Variants in FAM83G observed in about 807,000 individuals in gnomAD.
The protein encoded by FAM83G is protein FAM83G.
A neutral mutation model predicts 61.5 loss-of-function variants in FAM83G; 38 were observed. That is an observed-to-expected ratio of 0.62 (90% CI 0.48 to 0.81). FAM83G has a LOEUF of 0.81. Among genes scored for constraint, FAM83G ranks in the 30% least tolerant of loss-of-function variants. The probability of loss-of-function intolerance (pLI) is 0.00; values close to 1 mark genes in which losing one functional copy is unlikely to be tolerated. For synonymous variants in FAM83G, 470 were observed against 476.1 expected (o/e 0.99, Z 0.17); for missense variants, 989 against 1,133.6 (o/e 0.87, Z 1.83).
chr17:18,978,325 G>A lies in FAM83G; in HGVS notation c.1341C>T (p.Ile447=). 6.2e-7 allele frequency: 1 copy of A among 1,608,046 alleles called. No individual in the cohort carries two copies. The stretch of plus-strand genomic sequence containing the variant: ...TGGCCTGGGAGGTGTCACGGATCTT[G>A]ATGCGGTTCATCTGGCTGGGCTGGG... ...WNPQPSQMNR[I]KIRDTSQASA... Residue 447 remains isoleucine (I), a synonymous_variant, in exon 5 of 6, where the codon ATC becomes ATT. Transcript: ENST00000388995.
Position 18,970,263 on chromosome 17 carries a change from C to T in FAM83G, c.*1096G>A, listed in dbSNP as rs559430073. On this transcript the variant is annotated 3_prime_UTR_variant, in exon 6 of 6. Transcript: ENST00000388995. ...CGGGTTTTCCTACATCCAGGCTTCT[C>T]CCTCTCAGACCAGGGGCTCTAGTGT... is the stretch of plus-strand genomic sequence containing the variant. 6 of 152,290 alleles carry T rather than the reference C, an allele frequency of 3.9e-5. No homozygotes were observed. Among genetic ancestry groups the T allele is most frequent in the Non-Finnish European group, 8.8e-5 (6 of 68,094 alleles). The allele number at this position is 152,290 out of a possible 1,614,324, so 9.4% of individuals were successfully genotyped here.
chr17:18,995,017 TA>T (rs2043527321), intron 2 of FAM83G, among the ~76,000 whole-genome samples: 1 of 152,160 alleles, frequency 6.6e-6, no homozygotes, highest in Admixed American at 6.5e-5. Context: ...CGTTTCCAAG[TA>T]ACCTAACTGC....
At chr17:18,987,130 C>G (rs554009280) in intron 3 of FAM83G, among the ~76,000 whole-genome samples, 1 of 152,312 alleles carries the variant, frequency 6.6e-6, no homozygotes, top group Admixed American at 6.5e-5. Flanking sequence ...GAGCCCGGCC[C>G]CTTGTTAACC....
chr17:18,979,932 T>C (rs1231687681), intron 3 of FAM83G, among the ~76,000 whole-genome samples: 2 of 152,192 alleles, frequency 1.3e-5, no homozygotes, highest in Non-Finnish European at 2.9e-5. Context: ...GTCTGGGCTT[T>C]GGCCCTAAAG....
In FAM83G at chr17:18,970,806, T is replaced by C. The variant is rs2042822495; in HGVS notation, c.*553A>G. The C allele has an allele frequency of 5.1e-6, 3 of 586,310 alleles. No individual in the cohort carries two copies. The highest frequency in any genetic ancestry group is 9.1e-6 in the Non-Finnish European group (3 of 329,590). 36.3% of individuals were successfully genotyped at this position (586,310 alleles called of 1,614,324 possible). A position where few individuals can be genotyped will look rare whatever the true frequency, so the allele number is the denominator to read the frequency against. On this transcript the variant is annotated 3_prime_UTR_variant, in exon 6 of 6. Transcript: ENST00000388995. ...GCTTACTTAATAGTATTATTTTAAA[T>C]ACGAATAAAATAGTCATTCAAATAC... is the stretch of plus-strand genomic sequence containing the variant.
intron 3 of FAM83G, among the ~76,000 whole-genome samples, chr17:18,985,361 C>G (rs1030115348): frequency 2.0e-5 from 3 of 152,212 alleles, no homozygotes; most frequent in Non-Finnish European, 4.4e-5. Flanking sequence ...GGGCTCAGGA[C>G]TGGCTCCTGG....
At chr17:18,999,490 C>T (rs1160946081) in intron 2 of FAM83G, among the ~76,000 whole-genome samples, 1 of 152,122 alleles carries the variant, frequency 6.6e-6, no homozygotes, top group Non-Finnish European at 1.5e-5. Context: ...AGTTATTTGC[C>T]ATCTCCGAGC....
In FAM83G at chr17:18,978,277, C is replaced by T; in HGVS notation, c.1389G>A (p.Lys463=). 6.2e-7 allele frequency: 1 copy of T among 1,609,958 alleles called. No homozygotes were observed. Among genetic ancestry groups the T allele is most frequent in the Non-Finnish European group, 8.5e-7 (1 of 1,177,858 alleles). ...SQASAQHQLW[K]QSQDSRPRPE... ...GACGGGGCCTGCTGTCCTGGCTCTG[C>T]TTCCACAGCTGGTGCTGGGCGCTGG... Residue 463 remains lysine, a synonymous_variant, in exon 5 of 6, where the codon AAG becomes AAA. Coordinates refer to ENST00000388995, the MANE Select transcript of FAM83G (RefSeq NM_001039999.3).
At chr17:18,987,200 G>A (rs146592505) in intron 3 of FAM83G, among the ~76,000 whole-genome samples, 1 of 152,192 alleles carries the variant, frequency 6.6e-6, no homozygotes, top group Non-Finnish European at 1.5e-5. Flanking sequence ...ATTTTGACCT[G>A]TCAGACACTG....
intron 3 of FAM83G, among the ~76,000 whole-genome samples, chr17:18,981,180 G>C (rs1167071369): frequency 6.6e-6 from 1 of 152,202 alleles, no homozygotes; most frequent in Non-Finnish European, 1.5e-5. Context: ...GATCGCAGAG[G>C]AGTAGCCTGA....
rs2043801324 is a variant in FAM83G at position 19,003,798 on chromosome 17, G to A, written c.244C>T (p.Arg82Trp). 2 of 1,612,500 alleles carry A rather than the reference G, an allele frequency of 1.2e-6. No individual in the cohort carries two copies. Among genetic ancestry groups the A allele is most frequent in the Non-Finnish European group, 1.7e-6 (2 of 1,179,728 alleles). The change falls in exon 2 of 6, where the codon CGG becomes TGG. Residue 82 changes from arginine to tryptophan, a missense_variant. Physicochemically the swap from Arg to Trp is moderately radical, Grantham distance 101. This residue lies in a region of FAM83G where 371 missense variants were observed against 404.5 expected (regional missense o/e 0.92). Transcript: ENST00000388995. The surrounding 1 kb of genome is among the most constrained non-coding windows in gnomAD (Gnocchi z 4.5). ...EVYDPGSEDP[R>W]GTGPSQGPED... is the part of the protein sequence containing the mutation. ...GGCCCCTGAGAGGGGCCCGTGCCCCGAGGGTCCTCAGAGCCCGGGTCGTAC... is the reference window on the plus strand; with the variant it reads ...GGCCCCTGAGAGGGGCCCGTGCCCCAAGGGTCCTCAGAGCCCGGGTCGTAC...
At chr17:18,983,486 G>C (rs2152016067) in intron 3 of FAM83G, among the ~76,000 whole-genome samples, 1 of 152,368 alleles carries the variant, frequency 6.6e-6, no homozygotes, top group South Asian at 2.1e-4. Flanking sequence ...TTTATTGATA[G>C]TTGAGTAGTT....
At position 18,972,397 on chromosome 17, in the gene FAM83G, A is replaced by T. The variant is rs115631587; in HGVS notation, c.2083-649T>A. On this transcript the variant is annotated intron_variant, in intron 5 of 5. Transcript: ENST00000388995. ...CCTTTCCCACGTGGCCTACCCTGGGAGTAGGCCCGACCAGCTCCATTCATA... is the reference window on the plus strand; with the variant it reads ...CCTTTCCCACGTGGCCTACCCTGGGTGTAGGCCCGACCAGCTCCATTCATA... Among the ~76,000 whole-genome samples the T allele has an allele frequency of 5.0e-3, 755 of 152,288 alleles. 9 individuals are homozygous for T. Among genetic ancestry groups the T allele is most frequent in the African/African-American group, 0.016 (658 of 41,576 alleles).
intron 5 of FAM83G, chr17:18,977,046 C>G (rs549340867): frequency 6.3e-7 from 1 of 1,596,948 alleles, no homozygotes; most frequent in Admixed American, 1.7e-5. Flanking sequence ...GTTCTGGGAC[C>G]TTGTCCTGCA....
At position 18,993,114 on chromosome 17, in the gene FAM83G, C is replaced by T. The variant is rs556302964; in HGVS notation, c.523-4700G>A. ...AGCATGGTGGGAAACCACGGGTGCA[C>T]AGGCCCAGCCTCTGCAGCAGCACCT... On this transcript the variant is annotated intron_variant, in intron 2 of 5. Transcript: ENST00000388995. Among the ~76,000 whole-genome samples, 29 of 152,282 alleles carry T rather than the reference C, an allele frequency of 1.9e-4. No individual in the cohort carries two copies. The South Asian group carries it at 6.0e-3, about 32-fold the overall frequency.
At chr17:18,986,688 C>T (rs1389201456) in intron 3 of FAM83G, among the ~76,000 whole-genome samples, 1 of 152,222 alleles carries the variant, frequency 6.6e-6, no homozygotes, top group Non-Finnish European at 1.5e-5. Context: ...AGTGGCTGGC[C>T]CCAGGTTAGG....
chr17:18,971,078 A>G lies in FAM83G; in HGVS notation c.*281T>C. The G allele has an allele frequency of 6.2e-7, 1 of 1,614,046 alleles. No individual in the cohort carries two copies. Among genetic ancestry groups the G allele is most frequent in the Non-Finnish European group, 8.5e-7 (1 of 1,180,024 alleles). On this transcript the variant is annotated 3_prime_UTR_variant, in exon 6 of 6. Transcript: ENST00000388995. The surrounding 1 kb of genome is among the most constrained non-coding windows in gnomAD (Gnocchi z 5.5). ...CTACGCCCAGGCCATTCCCTCCAGG[A>G]CCATTGCCAACACCACCTGCCACCT...
At chr17:18,972,856 G>A (rs1197675663) in intron 5 of FAM83G, among the ~76,000 whole-genome samples, 8 of 143,336 alleles carry the variant, frequency 5.6e-5, no homozygotes, top group African/African-American at 2.0e-4. Context: ...GGGACAGAGC[G>A]AGACTCCGTC....
intron 2 of FAM83G, among the ~76,000 whole-genome samples, chr17:18,990,592 G>A (rs1012190456): frequency 4.0e-5 from 6 of 151,804 alleles, no homozygotes; most frequent in Admixed American, 3.9e-4. Flanking sequence ...CACCATGTGC[G>A]CCACTCCCCA....
Sources: allele counts gnomAD v4.1 joint callset (sites outside exome capture counted in the v4.1 genomes callset), GRCh38; gene constraint gnomAD v4.1.1; regional missense constraint gnomAD v4.1.1; non-coding constraint Gnocchi (gnomAD v3.1); transcripts MANE v1.5; gene names NCBI Gene and HGNC (gene_info 2026-07-23, HGNC 2026-07-21).